Variants in MBP observed in about 807,000 individuals in gnomAD.
The protein encoded by MBP is myelin basic protein.
A neutral mutation model predicts 35.8 loss-of-function variants in MBP; 16 were observed. That is an observed-to-expected ratio of 0.45 (90% CI 0.30 to 0.68). The LOEUF is 0.68. Ranked by LOEUF, MBP falls within the 30% of genes least tolerant of loss-of-function variation. MBP has a pLI of 0.08. For synonymous variants in MBP, 143 were observed against 159.6 expected (o/e 0.90, Z 0.78); for missense variants, 380 against 404.7 (o/e 0.94, Z 0.52).
At chr18:77,065,355 G>A (rs1276074495) in intron 3 of MBP, among the ~76,000 whole-genome samples, 1 of 152,058 alleles carries the variant, frequency 6.6e-6, no homozygotes, top group Non-Finnish European at 1.5e-5. Context: ...CAAAGCCACT[G>A]GTCTCATCAG....
At chr18:77,105,409 AAGGCCC>A (rs1976235525) in intron 1 of MBP, 123 bp from the exon 2 acceptor site, 9 of 572,358 alleles carry the variant, frequency 1.6e-5, no homozygotes, top group African/African-American at 1.3e-4. Context: ...AGACGAAACC[AAGGCCC>A]TGAAAACAGA....
intron 3 of MBP, among the ~76,000 whole-genome samples, chr18:77,034,611 C>T (rs1007484160): frequency 6.6e-6 from 1 of 152,220 alleles, no homozygotes; most frequent in Non-Finnish European, 1.5e-5. Flanking sequence ...CTCTGGGAGC[C>T]AGGGCTGCAG....
At chr18:77,128,368 C>T (rs1977125031) in intron 1 of MBP, among the ~76,000 whole-genome samples, 1 of 151,996 alleles carries the variant, frequency 6.6e-6, no homozygotes, top group South Asian at 2.1e-4. Flanking sequence ...ACTGTGGTTG[C>T]CAGCCTCAGG....
intron 4 of MBP, among the ~76,000 whole-genome samples, chr18:77,001,159 C>T (rs185653651): frequency 2.0e-5 from 3 of 152,050 alleles, no homozygotes; most frequent in Admixed American, 6.6e-5. Context: ...ACCGGGTCCC[C>T]GCCCACCCGG....
intron 4 of MBP, chr18:77,006,749 A>G (rs539831881): frequency 2.5e-4 from 38 of 152,004 alleles, no homozygotes; most frequent in Middle Eastern, 3.4e-3. Flanking sequence ...GGAGTCAGGG[A>G]GCTCGGAGCA....
intron 1 of MBP, among the ~76,000 whole-genome samples, chr18:77,132,218 GC>G (rs972063797): frequency 2.0e-5 from 3 of 152,028 alleles, no homozygotes; most frequent in African/African-American, 7.2e-5. Context: ...GCCGGGCCTG[GC>G]TGGAGTCCAC....
chr18:77,049,957 G>A (rs947799624), intron 3 of MBP, among the ~76,000 whole-genome samples: 1 of 152,188 alleles, frequency 6.6e-6, no homozygotes, highest in Non-Finnish European at 1.5e-5. Context: ...TAGGATTACA[G>A]GCGTGAGCCA....
intron 4 of MBP, among the ~76,000 whole-genome samples, chr18:76,998,543 G>T (rs470584): frequency 6.6e-6 from 1 of 152,038 alleles, no homozygotes; most frequent in Non-Finnish European, 1.5e-5. Flanking sequence ...CGGGTGACTC[G>T]CAGAAGAGAT....
At chr18:77,067,951 C>T (rs1974266051) in intron 2 of MBP, 1 of 434,698 alleles carries the variant, frequency 2.3e-6, no homozygotes, top group Admixed American at 2.5e-5. Flanking sequence ...TCTGAGCTCA[C>T]ACCAGCCAGG....
At chr18:77,041,779 G>A (rs1973006828) in intron 3 of MBP, among the ~76,000 whole-genome samples, 1 of 121,152 alleles carries the variant, frequency 8.3e-6, no homozygotes, top group Admixed American at 9.8e-5. Context: ...GACCTGTTGT[G>A]GGGTGGGGGG....
chr18:77,069,663 G>C (rs1022564011), intron 2 of MBP, among the ~76,000 whole-genome samples: 1 of 152,160 alleles, frequency 6.6e-6, no homozygotes, highest in African/African-American at 2.4e-5. Context: ...AGTGCGTGGC[G>C]GGGGATAACC....
At chr18:77,053,673 G>A (rs1474937728) in intron 3 of MBP, among the ~76,000 whole-genome samples, 1 of 152,250 alleles carries the variant, frequency 6.6e-6, no homozygotes, top group Non-Finnish European at 1.5e-5. Context: ...CAGGCACACT[G>A]TCTGCTGGCA....
At chr18:77,032,624 C>T (rs909596568) in intron 3 of MBP, among the ~76,000 whole-genome samples, 2 of 152,214 alleles carry the variant, frequency 1.3e-5, no homozygotes, top group African/African-American at 2.4e-5. Flanking sequence ...CCTCCTTCAG[C>T]GCGGTGACAG....
intron 2 of MBP, among the ~76,000 whole-genome samples, chr18:77,104,744 AT>A (rs1815424976): frequency 6.6e-6 from 1 of 152,148 alleles, no homozygotes; most frequent in African/African-American, 2.4e-5. Flanking sequence ...GTTAAAAAAA[AT>A]CAAAAGTATT....
At chr18:77,056,916 A>C (rs920099477) in intron 3 of MBP, among the ~76,000 whole-genome samples, 14 of 152,090 alleles carry the variant, frequency 9.2e-5, no homozygotes, top group Non-Finnish European at 2.9e-5. Flanking sequence ...GAGGCTGCCG[A>C]GGAGAACCGG....
intron 3 of MBP, among the ~76,000 whole-genome samples, chr18:77,021,347 A>G (rs1387200454): frequency 6.6e-5 from 10 of 152,276 alleles, no homozygotes; most frequent in Admixed American, 6.5e-4. Context: ...CAATTCTTGT[A>G]GAAACTTTAA....
intron 2 of MBP, among the ~76,000 whole-genome samples, chr18:77,076,681 T>G (rs1186043538): frequency 6.6e-6 from 1 of 152,216 alleles, no homozygotes; most frequent in Non-Finnish European, 1.5e-5. Flanking sequence ...GAGCAGTTAT[T>G]AAATATATTG....
At chr18:77,094,692 T>A (rs1265119472) in intron 2 of MBP, among the ~76,000 whole-genome samples, 1 of 152,160 alleles carries the variant, frequency 6.6e-6, no homozygotes, top group Non-Finnish European at 1.5e-5. Flanking sequence ...AACACCCCAA[T>A]TTTTCTCATG....
At chr18:77,036,791 G>A (rs1972788367) in intron 3 of MBP, among the ~76,000 whole-genome samples, 3 of 144,850 alleles carry the variant, frequency 2.1e-5, no homozygotes, top group Non-Finnish European at 1.5e-5. Flanking sequence ...TGGAGACAGA[G>A]CTGAGCAAGT....
Sources: allele counts gnomAD v4.1 joint callset (sites outside exome capture counted in the v4.1 genomes callset), GRCh38; gene constraint gnomAD v4.1.1; transcripts MANE v1.5; gene names NCBI Gene and HGNC (gene_info 2026-07-23, HGNC 2026-07-21).